The following NRG1 variants were observed in gnomAD, a reference collection of about 807,000 sequenced individuals.
The protein encoded by NRG1 is neuregulin 1.
In NRG1, 18 loss-of-function variants were observed where a neutral mutation model predicts 63.8. That is an observed-to-expected ratio of 0.28 (90% CI 0.19 to 0.42). The LOEUF is 0.42. Ranked by LOEUF, NRG1 falls within the 10% of genes least tolerant of loss-of-function variation. The pLI, the probability that NRG1 is intolerant of heterozygous loss-of-function variation, is 1.00. For synonymous variants in NRG1, 302 were observed against 301.3 expected (o/e 1.00, Z -0.02); for missense variants, 762 against 814.7 (o/e 0.94, Z 0.79).
chr8:31,733,975 A>T (rs780217396), intron 1 of NRG1, among the ~76,000 whole-genome samples: 2 of 151,934 alleles, frequency 1.3e-5, no homozygotes, highest in Non-Finnish European at 2.9e-5. Context: ...ACACAATGCT[A>T]CTCTAATATT....
At chr8:31,923,197 T>A (rs1834056216) in intron 1 of NRG1, among the ~76,000 whole-genome samples, 1 of 152,188 alleles carries the variant, frequency 6.6e-6, no homozygotes, top group Non-Finnish European at 1.5e-5. Context: ...GGCAAATAGT[T>A]TTTTTTAAAT....
At chr8:32,211,607 A>G (rs1204577322) in intron 1 of NRG1, among the ~76,000 whole-genome samples, 1 of 152,194 alleles carries the variant, frequency 6.6e-6, no homozygotes, top group Non-Finnish European at 1.5e-5. Context: ...TGGGTGAATT[A>G]TGGCATCTTG....
rs1241111119 is a variant in NRG1 at position 32,647,543 on chromosome 8, A to G, written c.502+30658A>G. 5 of 985,376 alleles carry G rather than the reference A, an allele frequency of 5.1e-6. No homozygotes were observed. The East Asian group carries it at 5.7e-4, about 112-fold the overall frequency. 61.0% of individuals were successfully genotyped at this position (985,376 alleles called of 1,614,324 possible). A position where few individuals can be genotyped will look rare whatever the true frequency, so the allele number is the denominator to read the frequency against. On this transcript the variant is annotated intron_variant, in intron 5 of 11. Transcript: ENST00000356819. ...GATATACTTTGATTTTGTAGTTGCT[A>G]GGAGCTTTTCTTCCCCCCTTGCATC... is the stretch of plus-strand genomic sequence containing the variant.
downstream of NRG1, among the ~76,000 whole-genome samples, chr8:32,768,530 C>T (rs370545209): frequency 7.9e-5 from 12 of 152,226 alleles, no homozygotes; most frequent in East Asian, 1.9e-3. Flanking sequence ...AGGTTCATTC[C>T]CCTTATTCTG....
chr8:31,868,032 G>C (rs1343771044), intron 1 of NRG1, among the ~76,000 whole-genome samples: 1 of 151,922 alleles, frequency 6.6e-6, no homozygotes, highest in African/African-American at 2.4e-5. Context: ...TCATGGTCAA[G>C]ATGACAGTTC....
chr8:32,642,534 C>T (rs570900307), intron 5 of NRG1, among the ~76,000 whole-genome samples: 5 of 152,168 alleles, frequency 3.3e-5, no homozygotes, highest in Non-Finnish European at 7.3e-5. Flanking sequence ...CATTGGTGTA[C>T]TTTATCCTCC....
At chr8:32,372,090 G>T (rs1015670349) in intron 1 of NRG1, among the ~76,000 whole-genome samples, 5 of 149,732 alleles carry the variant, frequency 3.3e-5, no homozygotes, top group African/African-American at 1.2e-4. Flanking sequence ...CCAGGCTCAA[G>T]CAATCCTCCC....
At chr8:32,728,321 T>C in intron 6 of NRG1, 3 of 983,784 alleles carry the variant, frequency 3.0e-6, no homozygotes, top group Non-Finnish European at 3.6e-6. Flanking sequence ...TTTTGTTTTT[T>C]GCCATGTTAT....
chr8:32,290,534 G>T (rs1251343463), intron 1 of NRG1, among the ~76,000 whole-genome samples: 1 of 152,048 alleles, frequency 6.6e-6, no homozygotes, highest in Non-Finnish European at 1.5e-5. Flanking sequence ...TTGAGGCTCA[G>T]AGGACCTCCT....
chr8:32,709,073 T>C (rs1817155951), intron 5 of NRG1, among the ~76,000 whole-genome samples: 1 of 152,232 alleles, frequency 6.6e-6, no homozygotes. Flanking sequence ...CCTTTTTGCT[T>C]TCAAAGCTTT....
intron 1 of NRG1, among the ~76,000 whole-genome samples, chr8:32,262,912 T>C (rs990238067): frequency 6.6e-6 from 1 of 152,200 alleles, no homozygotes; most frequent in Non-Finnish European, 1.5e-5. Flanking sequence ...CCCTGGCCAC[T>C]CATACCATCC....
At chr8:31,875,998 G>A (rs1240853361) in intron 1 of NRG1, among the ~76,000 whole-genome samples, 1 of 151,866 alleles carries the variant, frequency 6.6e-6, no homozygotes, top group African/African-American at 2.4e-5. Flanking sequence ...TCTGCAGGAG[G>A]TAGAAATAGG....
At position 31,742,454 on chromosome 8, in the gene NRG1, A is replaced by ATTTTTTTT. The variant is rs1563349398; in HGVS notation, c.37+103023_37+103024insTTTTTTTT. Among the ~76,000 whole-genome samples, 31 of 43,252 alleles carry ATTTTTTTT rather than the reference A, an allele frequency of 7.2e-4. 1 individual carries two copies. Among genetic ancestry groups the ATTTTTTTT allele is most frequent in the African/African-American group, 2.2e-3 (27 of 12,320 alleles). 28.4% of individuals were successfully genotyped at this position (43,252 alleles called of 152,430 possible). ...AGCAACGACAGACAACTTTTTTAAG[A>ATTTTTTTT]ATTTTTTTTTTTTTTTTTTTTTTTT... On this transcript the variant is annotated intron_variant, in intron 1 of 10. Transcript: ENST00000519301.
chr8:32,760,353 C>G (rs750610524), exon 11 of NRG1: 1 of 1,614,016 alleles, frequency 6.2e-7, no homozygotes, highest in Non-Finnish European at 8.5e-7. Flanking sequence ...ACAGCTTCCT[C>G]AGGCATGCCA....
At chr8:32,387,449 G>A (rs1318326057) in intron 1 of NRG1, among the ~76,000 whole-genome samples, 1 of 152,188 alleles carries the variant, frequency 6.6e-6, no homozygotes, top group Non-Finnish European at 1.5e-5. Context: ...ATAACTCTGT[G>A]CCTTGCTATG....
chr8:32,181,429 C>G (rs553154380), intron 1 of NRG1, among the ~76,000 whole-genome samples: 1 of 152,272 alleles, frequency 6.6e-6, no homozygotes, highest in East Asian at 1.9e-4. Context: ...ACTTTATTCT[C>G]TTTTATTTCC....
At chr8:31,846,431 T>C (rs1826694543) in intron 1 of NRG1, among the ~76,000 whole-genome samples, 1 of 152,222 alleles carries the variant, frequency 6.6e-6, no homozygotes, top group African/African-American at 2.4e-5. Context: ...TCCTCAGTAC[T>C]TCTATTTATA....
chr8:32,587,288 G>A lies in NRG1; in HGVS notation c.101-8540G>A, dbSNP rs146957323. On this transcript the variant is annotated intron_variant, in intron 1 of 11. Transcript: ENST00000356819. ...ATACAAGAACCGTCTGACCACTCTG[G>A]GTAGACTCTGAAATTAGGTGAAATA... 2.0e-3 allele frequency among the ~76,000 whole-genome samples: 303 copies of A among 152,182 alleles called. 1 individual carries two copies. The highest frequency in any genetic ancestry group is 6.9e-3 in the African/African-American group (287 of 41,514).
At chr8:32,142,695 C>A (rs974676642) in intron 1 of NRG1, among the ~76,000 whole-genome samples, 1 of 152,128 alleles carries the variant, frequency 6.6e-6, no homozygotes, top group African/African-American at 2.4e-5. Context: ...AAGGAAAATC[C>A]AGCTTTGGGA....
Sources: gnomAD v4.1 joint callset for allele counts (sites outside exome capture counted in the v4.1 genomes callset) on GRCh38, gnomAD v4.1.1 for gene constraint, MANE v1.5 for transcripts, NCBI Gene and HGNC (gene_info 2026-07-23, HGNC 2026-07-21) for gene names.